ZFYVE26: variants seen among roughly 807,000 people sequenced by gnomAD.
The protein encoded by ZFYVE26 is zinc finger FYVE-type containing 26.
ZFYVE26 carries 181 observed loss-of-function variants against 276.5 expected under a neutral mutation model. The observed-to-expected ratio is 0.65, with a 90% CI of 0.58 to 0.74. The LOEUF is 0.74. Ranked by LOEUF, ZFYVE26 falls within the 30% of genes least tolerant of loss-of-function variation. The probability of loss-of-function intolerance (pLI) is 0.00; values close to 1 mark genes in which losing one functional copy is unlikely to be tolerated. For synonymous variants in ZFYVE26, 1,129 were observed against 1,203.1 expected, an observed-to-expected ratio of 0.94 and a Z score of 1.27; for missense variants, 2,821 against 3,097.9, an observed-to-expected ratio of 0.91 and a Z score of 2.12.
chr14:67,733,516 A>G (rs949684520), intron 13 of ZFYVE26, among the ~76,000 whole-genome samples: 1 of 152,186 alleles, frequency 6.6e-6, no homozygotes, highest in Admixed American at 6.5e-5. Context: ...TGATTATTAG[A>G]CCTGGTACTA....
At chr14:67,806,375 G>A (rs1226446574) in intron 6 of ZFYVE26, among the ~76,000 whole-genome samples, 170 bp downstream of exon 6, 1 of 152,214 alleles carries the variant, frequency 6.6e-6, no homozygotes, top group Non-Finnish European at 1.5e-5. Context: ...GAATGGCACT[G>A]ATTCTCAGAG....
Position 67,748,053 on chromosome 14 carries a change from T to G in ZFYVE26, c.*383A>C. The G allele has an allele frequency of 8.0e-6, 2 of 250,456 alleles. No individual in the cohort carries two copies. Among genetic ancestry groups the G allele is most frequent in the East Asian group, 9.9e-5 (1 of 10,074 alleles). The allele number at this position is 250,456 out of a possible 1,614,324, so 15.5% of individuals were successfully genotyped here. A position where few individuals can be genotyped will look rare whatever the true frequency, so the allele number is the denominator to read the frequency against. On this transcript the variant is annotated 3_prime_UTR_variant, in exon 42 of 42. Transcript: ENST00000347230. ...GTCAAGAACCAAAACGCAGGGAAGG[T>G]TTTCAGAGTGGCAAGTCTAAAGTAA...
chr14:67,769,022 A>G (rs1033730781), intron 29 of ZFYVE26, among the ~76,000 whole-genome samples: 61 of 152,314 alleles, frequency 4.0e-4, no homozygotes, highest in African/African-American at 1.4e-3. Flanking sequence ...CTTCTTTGCT[A>G]CTAGAAGTAG....
At chr14:67,768,936 C>T (rs2039131988) in intron 29 of ZFYVE26, among the ~76,000 whole-genome samples, 1 of 152,072 alleles carries the variant, frequency 6.6e-6, no homozygotes, top group Admixed American at 6.6e-5. Flanking sequence ...ATAAAACATG[C>T]AGAATTCAAA....
chr14:67,777,872 C>A, intron 24 of ZFYVE26, 137 bp from the exon 25 acceptor site: 1 of 1,219,072 alleles, frequency 8.2e-7, no homozygotes, highest in Non-Finnish European at 1.2e-6. Context: ...TTTTTTTTAA[C>A]CACCTCTGTA....
chr14:67,768,612 G>A (rs1226628345), intron 29 of ZFYVE26, 64 bp from the exon 30 acceptor site: 18 of 1,519,094 alleles, frequency 1.2e-5, no homozygotes, highest in African/African-American at 2.7e-5. Context: ...TTTGAGCTTC[G>A]TAGACAGCAT....
chr14:67,806,476 A>G, intron 6 of ZFYVE26, 69 bp downstream of exon 6: 13 of 1,598,976 alleles, frequency 8.1e-6, no homozygotes, highest in Non-Finnish European at 1.1e-5. Context: ...GTGGGAGAGA[A>G]ATGAGGAATG....
chr14:67,777,685 T>C lies in ZFYVE26; in HGVS notation c.4848A>G (p.Gln1616=). 1 of 1,614,140 alleles carries C rather than the reference T, an allele frequency of 6.2e-7. No homozygotes were observed. The highest frequency in any genetic ancestry group is 2.2e-5 in the East Asian group (1 of 44,892). ...DPTMCLEVTE[Q]SLDQHTSLAT... is the part of the protein sequence containing the mutation. Reference sequence around the variant, plus strand: ...CCAAGCTAGTGTGCTGGTCGAGGGATTGCTCTGTCACTTCAAGGCACATGG... The same window carrying C: ...CCAAGCTAGTGTGCTGGTCGAGGGACTGCTCTGTCACTTCAAGGCACATGG... The change falls in exon 25 of 42, where the codon CAA becomes CAG. Residue 1616 remains glutamine (Q), a synonymous_variant. Transcript: ENST00000347230.
rs374111920 is a variant in ZFYVE26, at chr14:67,764,391, T to C, written c.6012-1572A>G. Among the ~76,000 whole-genome samples the C allele has an allele frequency of 2.6e-5, 4 of 152,194 alleles. No homozygotes were observed. In the East Asian group the frequency reaches 5.8e-4, roughly 22 times the overall value. On this transcript the variant is annotated intron_variant, in intron 32 of 41. Transcript: ENST00000347230. ...ACATTTGTAGTAGGTGGTGAGTTTA[T>C]TTTTATGTTTTTAGAGACAGGGTCT...
At position 67,784,930 on chromosome 14, in the gene ZFYVE26, C is replaced by T. The variant is rs994103492; in HGVS notation, c.3523+129G>A. The T allele has an allele frequency of 2.1e-5, 21 of 986,792 alleles. No individual in the cohort carries two copies. In the African/African-American group the frequency reaches 2.9e-4, roughly 14 times the overall value. 61.1% of individuals were successfully genotyped at this position (986,792 alleles called of 1,614,324 possible). The stretch of plus-strand genomic sequence containing the variant: ...ATAGCCAGAGATGAATAAGAGAGGA[C>T]AACCTTATAAATCTAGTGTTCTTGG... On this transcript the variant is annotated intron_variant, in intron 19 of 41. Coordinates refer to ENST00000347230, the MANE Select transcript of ZFYVE26 (RefSeq NM_015346.4).
rs186288788 is a variant in ZFYVE26, at chr14:67,790,045, A to T, written c.2756-447T>A. Among the ~76,000 whole-genome samples, 32 of 152,344 alleles carry T rather than the reference A, an allele frequency of 2.1e-4. 1 individual carries two copies. The highest frequency in any genetic ancestry group is 2.0e-3 in the Admixed American group (31 of 15,310). ...AAGCAATATGTGATGGTACCATGGT[A>T]TGTAGGGCCTAGGCCAGTAAGAGTT... On this transcript the variant is annotated intron_variant, in intron 15 of 41. Transcript: ENST00000347230.
Position 67,804,207 on chromosome 14 carries a change from T to TG in ZFYVE26, c.1328dup (p.Val444SerfsTer36), listed in dbSNP as rs1566895976. On this transcript the variant is annotated frameshift_variant, in exon 9 of 42. Transcript: ENST00000347230. LOFTEE classifies it high-confidence loss of function. The stretch of plus-strand genomic sequence containing the variant: ...TAAGGTGATGGAGAGTGTAGAGCAC[T>TG]GAGTGGCTGTCTCCACCGTGTAAAT... 1.2e-6 allele frequency: 2 copies of TG among 1,613,976 alleles called. No individual in the cohort carries two copies. The highest frequency in any genetic ancestry group is 1.7e-6 in the Non-Finnish European group (2 of 1,179,962).
chr14:67,761,329 G>A, intron 35 of ZFYVE26, 37 bp downstream of exon 35: 1 of 1,579,768 alleles, frequency 6.3e-7, no homozygotes, highest in South Asian at 1.1e-5. Flanking sequence ...GAGGAGTAAG[G>A]CAGGCACTGC....
intron 36 of ZFYVE26, 117 bp downstream of exon 36, chr14:67,755,831 C>T: frequency 8.0e-7 from 1 of 1,254,262 alleles, no homozygotes; most frequent in Non-Finnish European, 1.2e-6. Context: ...GCTCTAGGGT[C>T]AGCCAAACAG....
intron 31 of ZFYVE26, among the ~76,000 whole-genome samples, chr14:67,767,189 T>C (rs1469344826): frequency 6.6e-6 from 1 of 152,152 alleles, no homozygotes; most frequent in East Asian, 1.9e-4. Flanking sequence ...TTGGAAACCT[T>C]TCATAGGCCC....
downstream of ZFYVE26, among the ~76,000 whole-genome samples, chr14:67,742,817 C>CCTT (rs2038429963): frequency 7.8e-6 from 1 of 128,442 alleles, no homozygotes; most frequent in East Asian, 2.1e-4. Context: ...TTCCTTCCTT[C>CCTT]CTTTCTTCTT....
rs1443647478 is a variant in ZFYVE26 at position 67,805,257 on chromosome 14, C to T, written c.1231G>A (p.Ala411Thr). Residue 411 changes from alanine (A) to threonine (T), a missense_variant, in exon 8 of 42, where the codon GCT becomes ACT. Ala to Thr is a moderately conservative substitution (Grantham distance 58). Transcript: ENST00000347230. ...LLRDACDGLW[A>T]HLEVLEWCIQ... ...CACCACTCCAGGACCTCCAGGTGAGCCCACAACCCATCACAGGCATCCCTG... is the reference window on the plus strand; with the variant it reads ...CACCACTCCAGGACCTCCAGGTGAGTCCACAACCCATCACAGGCATCCCTG... 9 of 1,613,994 alleles carry T rather than the reference C, an allele frequency of 5.6e-6. No individual in the cohort carries two copies. The highest frequency in any genetic ancestry group is 1.7e-5 in the Admixed American group (1 of 59,990).
At position 67,762,364 on chromosome 14, in the gene ZFYVE26, C is replaced by T; in HGVS notation, c.6208G>A (p.Gly2070Ser). 1 of 1,614,180 alleles carries T rather than the reference C, an allele frequency of 6.2e-7. No individual in the cohort carries two copies. The highest frequency in any genetic ancestry group is 8.5e-7 in the Non-Finnish European group (1 of 1,180,026). The change falls in exon 34 of 42, where the codon GGC becomes AGC. Residue 2070 changes from glycine (G) to serine (S), a missense_variant. Transcript: ENST00000347230. ...TTCCCGGCTTTGAGGCAGGCCATGC[C>T]CCAAGCATGCCACGCCCCGGTGGTA... ...LDTTGAWHAWGMACLKAGNLT... is the reference protein window; with the variant it reads ...LDTTGAWHAWSMACLKAGNLT...
rs1184408326 is a variant in ZFYVE26 at position 67,733,760 on chromosome 14, C to T, written n.2680-3941G>A. Reference sequence around the variant, plus strand: ...CTGCCCTCCAGTGACTGCAAGAGGACCTGGGTGTCTCCAAGGGCCCGAAAT... The same window carrying T: ...CTGCCCTCCAGTGACTGCAAGAGGATCTGGGTGTCTCCAAGGGCCCGAAAT... On this transcript the variant is annotated intron_variant and non_coding_transcript_variant, in intron 13 of 14. Coordinates refer to the ZFYVE26 transcript ENST00000394455. 3.1e-6 allele frequency: 5 copies of T among 1,612,604 alleles called. No homozygotes were observed. The Admixed American group carries it at 8.3e-5, about 27-fold the overall frequency.
Sources: allele counts gnomAD v4.1 joint callset (sites outside exome capture counted in the v4.1 genomes callset), GRCh38; gene constraint gnomAD v4.1.1; transcripts MANE v1.5; gene names NCBI Gene and HGNC (gene_info 2026-07-23, HGNC 2026-07-21).